VWA3B: variants seen among roughly 807,000 people sequenced by gnomAD.
VWA3B encodes the protein von Willebrand factor A domain-containing protein 3B.
Under a neutral mutation model 158.3 loss-of-function variants are expected in VWA3B, and 138 were observed. The ratio of observed to expected loss-of-function variants is 0.87; its 90% confidence interval spans 0.76 to 1.00. The LOEUF is 1.00. VWA3B is among the 50% of genes least tolerant of loss of function. The pLI is 0.00. For synonymous variants in VWA3B, 596 were observed against 587.3 expected (o/e 1.01, Z -0.21); for missense variants, 1,555 against 1,565.1 (o/e 0.99, Z 0.11).
At chr2:98,319,258 G>C in the VWA3B span, among the ~76,000 whole-genome samples, 1 of 150,042 alleles carries the variant, frequency 6.7e-6, no homozygotes, top group East Asian at 1.9e-4. Flanking sequence ...GAAAACATGA[G>C]TGAATTCTAA....
intron 7 of VWA3B, among the ~76,000 whole-genome samples, chr2:98,156,354 A>G (rs1198310968): frequency 6.6e-6 from 1 of 152,200 alleles, no homozygotes; most frequent in Non-Finnish European, 1.5e-5. Flanking sequence ...GAACTTGCTC[A>G]TTCCTGAATG....
chr2:98,124,183 T>G (rs1288553627), intron 5 of VWA3B, among the ~76,000 whole-genome samples: 2 of 152,242 alleles, frequency 1.3e-5, no homozygotes, highest in Non-Finnish European at 2.9e-5. Flanking sequence ...TTTTCTTTTT[T>G]GTGTCTCTGA....
At chr2:98,225,222 C>T (rs185913413) in intron 14 of VWA3B, among the ~76,000 whole-genome samples, 161 of 152,344 alleles carry the variant, frequency 1.1e-3, no homozygotes, top group African/African-American at 3.6e-3. Flanking sequence ...GCATGAGCCG[C>T]CCCACCTGGC....
intron 7 of VWA3B, among the ~76,000 whole-genome samples, chr2:98,158,806 G>C (rs1340188705): frequency 6.6e-6 from 1 of 152,120 alleles, no homozygotes; most frequent in Non-Finnish European, 1.5e-5. Context: ...ACAGGGCTGA[G>C]AGGACAGTGC....
intron 13 of VWA3B, among the ~76,000 whole-genome samples, chr2:98,217,574 G>T (rs1684133675): frequency 6.6e-6 from 1 of 152,168 alleles, no homozygotes; most frequent in South Asian, 2.1e-4. Flanking sequence ...TGAGTGACTT[G>T]GTTGGCCGAA....
At chr2:98,273,792 A>C (rs62157905) in intron 22 of VWA3B, among the ~76,000 whole-genome samples, 5,907 of 152,302 alleles carry the variant, frequency 0.039, 169 homozygotes, top group Middle Eastern at 0.075. Context: ...ACCCTGCTGC[A>C]TAACAGCAGA....
intron 12 of VWA3B, among the ~76,000 whole-genome samples, chr2:98,202,044 A>G (rs1237914595): frequency 6.6e-6 from 1 of 152,164 alleles, no homozygotes; most frequent in South Asian, 2.1e-4. Context: ...GGGTTAGAAA[A>G]TATTCCATAT....
At chr2:98,296,679 G>A (rs907660116) in intron 23 of VWA3B, among the ~76,000 whole-genome samples, 3 of 152,154 alleles carry the variant, frequency 2.0e-5, no homozygotes, top group East Asian at 1.9e-4. Flanking sequence ...AGCGGGACGC[G>A]TGTGCTCATT....
At chr2:98,158,161 C>G (rs1343039571) in intron 7 of VWA3B, among the ~76,000 whole-genome samples, 1 of 151,996 alleles carries the variant, frequency 6.6e-6, no homozygotes, top group African/African-American at 2.4e-5. Context: ...AGAACTGTTT[C>G]TATGTAATAA....
At chr2:98,201,224 C>T (rs1413174099) in intron 12 of VWA3B, among the ~76,000 whole-genome samples, 3 of 152,130 alleles carry the variant, frequency 2.0e-5, no homozygotes, top group Admixed American at 6.5e-5. Context: ...AGAGAATTGA[C>T]GTCTAACACT....
chr2:98,128,564 C>T lies in VWA3B; in HGVS notation c.872+156C>T, dbSNP rs368687107. Among the ~76,000 whole-genome samples, 15 of 152,118 alleles carry T rather than the reference C, an allele frequency of 9.9e-5. No individual in the cohort carries two copies. In the East Asian group the frequency reaches 1.2e-3, roughly 12 times the overall value. ...TAGTCTCTCTGCATCTTTTCTTCTC[C>T]GTCTTGTATTAATCATGACTTTCTA... On this transcript the variant is annotated intron_variant, in intron 6 of 27. Coordinates refer to ENST00000477737, the MANE Select transcript of VWA3B (RefSeq NM_144992.5).
chr2:98,228,357 C>G (rs746878482), intron 15 of VWA3B, 25 bp downstream of exon 15: 1 of 1,604,234 alleles, frequency 6.2e-7, no homozygotes, highest in Admixed American at 1.7e-5. Context: ...CCGCCTGTCT[C>G]CCTGCGCTGA....
Position 98,312,248 on chromosome 2 carries a change from C to A in VWA3B, c.3784C>A (p.His1262Asn). 6.2e-7 allele frequency: 1 copy of A among 1,614,196 alleles called. No homozygotes were observed. The highest frequency in any genetic ancestry group is 8.5e-7 in the Non-Finnish European group (1 of 1,180,038). ...PAAGRLGLSSHAIIATPPPRA... is the reference protein window; with the variant it reads ...PAAGRLGLSSNAIIATPPPRA... ...GGCCGGGCGTCTAGGACTCAGCAGC[C>A]ACGCCATCATTGCCACACCTCCACC... The change falls in exon 28 of 28, where the codon CAC becomes AAC. Residue 1262 changes from histidine (H) to asparagine (N), a missense_variant. Transcript: ENST00000477737.
intron 16 of VWA3B, among the ~76,000 whole-genome samples, chr2:98,234,078 T>G (rs1049939334): frequency 9.9e-5 from 15 of 152,190 alleles, no homozygotes; most frequent in African/African-American, 3.4e-4. Flanking sequence ...TAGAATGGCT[T>G]ACCAAAGATG....
chr2:98,176,517 T>A (rs1317957129), intron 8 of VWA3B, among the ~76,000 whole-genome samples: 1 of 141,454 alleles, frequency 7.1e-6, no homozygotes, highest in Non-Finnish European at 1.5e-5. Context: ...TTTCTCTTCC[T>A]CCCTCCTTCC....
rs115763011 is a variant in VWA3B, at chr2:98,262,814, T to C, written c.2843+6640T>C. On this transcript the variant is annotated intron_variant, in intron 21 of 27. Coordinates refer to ENST00000477737, the MANE Select transcript of VWA3B (RefSeq NM_144992.5). The stretch of plus-strand genomic sequence containing the variant: ...AAATTTTAGGATCTTTTTGTACTTA[T>C]ACAAAAAATACCATTGGGATTTTGA... Among the ~76,000 whole-genome samples, 581 of 152,044 alleles carry C rather than the reference T, an allele frequency of 3.8e-3. 7 individuals carry two copies. Among genetic ancestry groups the C allele is most frequent in the African/African-American group, 0.013 (545 of 41,510 alleles).
the VWA3B span, among the ~76,000 whole-genome samples, chr2:98,329,503 AC>A: frequency 2.0e-5 from 3 of 151,900 alleles, no homozygotes; most frequent in African/African-American, 7.3e-5. Flanking sequence ...AAGGCAAACA[AC>A]CCTTTTTTTT....
At chr2:98,114,564 T>G in intron 2 of VWA3B, among the ~76,000 whole-genome samples, 1 of 152,178 alleles carries the variant, frequency 6.6e-6, no homozygotes, top group East Asian at 1.9e-4. Flanking sequence ...TTATCCTGCC[T>G]TCCTAGTAAG....
intron 1 of VWA3B, among the ~76,000 whole-genome samples, chr2:98,090,066 A>G (rs901828421): frequency 6.6e-6 from 1 of 152,198 alleles, no homozygotes; most frequent in Non-Finnish European, 1.5e-5. Context: ...CTTCAGCAAG[A>G]ATATTGTAGG....
Sources: gnomAD v4.1 joint callset for allele counts (sites outside exome capture counted in the v4.1 genomes callset) on GRCh38, gnomAD v4.1.1 for gene constraint, MANE v1.5 for transcripts, NCBI Gene and HGNC (gene_info 2026-07-23, HGNC 2026-07-21) for gene names.